The following L3MBTL4 variants were observed in gnomAD, a reference collection of about 807,000 sequenced individuals.
L3MBTL4 encodes the protein lethal(3)malignant brain tumor-like protein 4.
L3MBTL4 carries 70 observed loss-of-function variants against 84.5 expected under a neutral mutation model. The ratio of observed to expected loss-of-function variants is 0.83; its 90% CI spans 0.68 to 1.01. L3MBTL4 has a LOEUF of 1.01. Ranked by LOEUF, L3MBTL4 falls within the 50% of genes least tolerant of loss-of-function variation. L3MBTL4 has a pLI of 0.00. For synonymous variants in L3MBTL4, 274 were observed against 259.8 expected, an observed-to-expected ratio of 1.05 and a Z score of -0.52; for missense variants, 715 against 754.8, an observed-to-expected ratio of 0.95 and a Z score of 0.62.
chr18:6,032,382 T>C (rs1233301342), intron 16 of L3MBTL4: 19 of 528,822 alleles, frequency 3.6e-5, no homozygotes, highest in Non-Finnish European at 4.2e-5. Flanking sequence ...TCATGAAATA[T>C]GTTACACACA....
intron 17 of L3MBTL4, among the ~76,000 whole-genome samples, chr18:5,968,701 T>TAAAAC (rs2052478315): frequency 6.9e-5 from 2 of 29,128 alleles, no homozygotes; most frequent in Non-Finnish European, 1.2e-4. Context: ...TGTCTCTAAA[T>TAAAAC]AAAATAAAAT....
intron 16 of L3MBTL4, among the ~76,000 whole-genome samples, chr18:6,019,976 G>C (rs2055176680): frequency 6.6e-6 from 1 of 152,110 alleles, no homozygotes; most frequent in South Asian, 2.1e-4. Flanking sequence ...CATTTATTCG[G>C]AAGTGTCTTG....
At chr18:6,401,328 T>G (rs1312091773) in intron 1 of L3MBTL4, among the ~76,000 whole-genome samples, 9 of 152,172 alleles carry the variant, frequency 5.9e-5, no homozygotes, top group Non-Finnish European at 1.2e-4. Flanking sequence ...TAATTTTATA[T>G]GTAATGCTGC....
At chr18:6,031,669 A>G in intron 16 of L3MBTL4, 1 of 983,238 alleles carries the variant, frequency 1.0e-6, no homozygotes. Context: ...CACAGGTCTC[A>G]TCCTCCAGCA....
At chr18:6,139,927 T>A (rs1196760339) in intron 13 of L3MBTL4, among the ~76,000 whole-genome samples, 1 of 152,128 alleles carries the variant, frequency 6.6e-6, no homozygotes, top group Non-Finnish European at 1.5e-5. Context: ...TGGCTCTCCA[T>A]GTTCTGCTCT....
intron 17 of L3MBTL4, chr18:5,960,732 A>G (rs2095259333): frequency 6.6e-6 from 1 of 152,268 alleles, no homozygotes; most frequent in Non-Finnish European, 1.5e-5. Context: ...GATAAGTAGC[A>G]GAGACATTTT....
chr18:5,995,344 T>A (rs2053907495), intron 16 of L3MBTL4, among the ~76,000 whole-genome samples: 1 of 152,238 alleles, frequency 6.6e-6, no homozygotes, highest in East Asian at 1.9e-4. Context: ...TTTACTGCCC[T>A]GTGAAGCCAT....
intron 14 of L3MBTL4, among the ~76,000 whole-genome samples, chr18:6,117,776 A>T (rs2059401830): frequency 6.6e-6 from 1 of 152,258 alleles, no homozygotes; most frequent in South Asian, 2.1e-4. Flanking sequence ...TTCTTAATAG[A>T]TTATTAACAA....
chr18:6,243,243 G>A, intron 7 of L3MBTL4, 51 bp downstream of exon 7: 1 of 1,405,538 alleles, frequency 7.1e-7, no homozygotes, highest in Non-Finnish European at 9.4e-7. Context: ...TAAAATATAA[G>A]TGAAATACCA....
intron 13 of L3MBTL4, among the ~76,000 whole-genome samples, chr18:6,169,266 G>C (rs1744615973): frequency 6.6e-6 from 1 of 152,050 alleles, no homozygotes; most frequent in South Asian, 2.1e-4. Flanking sequence ...TGGAAGACAG[G>C]GTGGCAATTC....
At chr18:6,099,919 A>G (rs2058765179) in intron 14 of L3MBTL4, among the ~76,000 whole-genome samples, 1 of 152,118 alleles carries the variant, frequency 6.6e-6, no homozygotes, top group Non-Finnish European at 1.5e-5. Flanking sequence ...TTTGATTCTA[A>G]AAATACATTT....
At chr18:6,376,116 T>C (rs2054357653) in intron 1 of L3MBTL4, among the ~76,000 whole-genome samples, 1 of 152,114 alleles carries the variant, frequency 6.6e-6, no homozygotes, top group South Asian at 2.1e-4. Flanking sequence ...CAGTCTGCTT[T>C]CTCCCTGCTC....
At chr18:6,301,834 C>A in intron 4 of L3MBTL4, 69 bp downstream of exon 4, 1 of 1,077,400 alleles carries the variant, frequency 9.3e-7, no homozygotes, top group South Asian at 1.2e-5. Context: ...AACAACTAAG[C>A]AATCTAATAA....
At chr18:6,193,333 A>C (rs1454899345) in intron 12 of L3MBTL4, among the ~76,000 whole-genome samples, 1 of 152,126 alleles carries the variant, frequency 6.6e-6, no homozygotes, top group Non-Finnish European at 1.5e-5. Context: ...AAATACGAGG[A>C]ATAGTGGCAA....
chr18:6,121,604 A>T (rs1244305552), intron 14 of L3MBTL4, among the ~76,000 whole-genome samples: 1 of 151,878 alleles, frequency 6.6e-6, no homozygotes, highest in Admixed American at 6.6e-5. Context: ...ACAGCCCTAC[A>T]CACCAAAGGG....
At chr18:5,996,492 G>A (rs572941340) in intron 16 of L3MBTL4, among the ~76,000 whole-genome samples, 2 of 152,242 alleles carry the variant, frequency 1.3e-5, no homozygotes, top group East Asian at 1.9e-4. Flanking sequence ...AAGAAACACC[G>A]ATCTGGGCCA....
intron 16 of L3MBTL4, among the ~76,000 whole-genome samples, chr18:5,974,983 T>A (rs4519419): frequency 0.69 from 104,653 of 151,112 alleles, 37,285 homozygotes; most frequent in East Asian, 0.9. Flanking sequence ...TTTTTTTTTT[T>A]AAAAAGAGGA....
chr18:5,960,811 C>T (rs1303535032), intron 17 of L3MBTL4: 1 of 152,274 alleles, frequency 6.6e-6, no homozygotes, highest in Non-Finnish European at 1.5e-5. Context: ...AACTTCTCAC[C>T]CTCACCATGC....
Position 5,956,226 on chromosome 18 carries a change from CCT to C in L3MBTL4, c.1837_1838del (p.Arg613GlyfsTer20). The C allele has an allele frequency of 1.9e-6, 3 of 1,612,740 alleles. No homozygotes were observed. Among genetic ancestry groups the C allele is most frequent in the Non-Finnish European group, 1.7e-6 (2 of 1,179,478 alleles). ...GGAAGTTCAGGGAGCCCATTCATCC[CCT>C]GACTTCTTGGCCTGAGGCAATATCT... ...EEDIASGQEV[R>X]G On this transcript the variant is annotated frameshift_variant, in exon 19 of 19. Transcript: ENST00000317931. LOFTEE classifies it high-confidence loss of function.
Sources: allele counts gnomAD v4.1 joint callset (sites outside exome capture counted in the v4.1 genomes callset), GRCh38; gene constraint gnomAD v4.1.1; transcripts MANE v1.5; gene names NCBI Gene and HGNC (gene_info 2026-07-23, HGNC 2026-07-21).